PDZRN3: variants seen among roughly 807,000 people sequenced by gnomAD.
The protein encoded by PDZRN3 is PDZ domain containing ring finger 3.
A neutral mutation model predicts 85.7 loss-of-function variants in PDZRN3; 38 were observed. The observed-to-expected ratio is 0.44, with a 90% CI of 0.34 to 0.58. PDZRN3 has a LOEUF of 0.58. Among genes scored for constraint, PDZRN3 ranks in the 20% least tolerant of loss-of-function variants. PDZRN3 has a pLI of 0.01. For missense variants in PDZRN3, 1,629 were observed against 1,506.4 expected (o/e 1.08, Z -1.35); for synonymous variants, 759 against 638.0 (o/e 1.19, Z -2.86).
At chr3:73,562,946 G>A (rs1025304289) in intron 3 of PDZRN3, among the ~76,000 whole-genome samples, 11 of 130,944 alleles carry the variant, frequency 8.4e-5, no homozygotes, top group Admixed American at 4.2e-4. Context: ...AGACTTTCTG[G>A]TGGTACTTAT....
intron 3 of PDZRN3, among the ~76,000 whole-genome samples, chr3:73,422,183 G>A (rs986104273): frequency 6.6e-6 from 1 of 152,194 alleles, no homozygotes; most frequent in Non-Finnish European, 1.5e-5. Flanking sequence ...GAACACTAGA[G>A]GGAGATGCCC....
At chr3:73,541,305 T>C (rs532656168) in intron 3 of PDZRN3, among the ~76,000 whole-genome samples, 1 of 152,330 alleles carries the variant, frequency 6.6e-6, no homozygotes, top group African/African-American at 2.4e-5. Flanking sequence ...GAAGAAAATA[T>C]AATCTCCCCT....
intron 3 of PDZRN3, among the ~76,000 whole-genome samples, chr3:73,424,367 C>CCA (rs761953254): frequency 1.8e-5 from 1 of 54,854 alleles, no homozygotes; most frequent in Non-Finnish European, 3.2e-5. Context: ...CCGTCTCTAC[C>CCA]AAAAAAAAAA....
At position 73,465,702 on chromosome 3, in the gene PDZRN3, A is replaced by G. The variant is rs186924687; in HGVS notation, c.919-61307T>C. 9.7e-4 allele frequency among the ~76,000 whole-genome samples: 148 copies of G among 152,332 alleles called. 2 individuals are homozygous for G. Among genetic ancestry groups the G allele is most frequent in the African/African-American group, 2.5e-3 (106 of 41,570 alleles). On this transcript the variant is annotated intron_variant, in intron 3 of 9. Coordinates refer to ENST00000263666, the MANE Select transcript of PDZRN3 (RefSeq NM_015009.3). ...TATCTTTGCCTCAATAAAATTAAGAACGCAGTGTAAGATCCAAATTCCCCC... is the reference window on the plus strand; with the variant it reads ...TATCTTTGCCTCAATAAAATTAAGAGCGCAGTGTAAGATCCAAATTCCCCC...
At chr3:73,518,584 T>C (rs1466198172) in intron 3 of PDZRN3, among the ~76,000 whole-genome samples, 3 of 152,174 alleles carry the variant, frequency 2.0e-5, no homozygotes, top group Non-Finnish European at 4.4e-5. Context: ...CTCAGTTTGC[T>C]TGGGCTGCTA....
chr3:73,395,872 G>C (rs909982319), intron 5 of PDZRN3, among the ~76,000 whole-genome samples: 8 of 152,208 alleles, frequency 5.3e-5, no homozygotes, highest in African/African-American at 1.9e-4. Flanking sequence ...CAGTAAATGA[G>C]TTAGACAAGA....
At chr3:73,453,410 A>C (rs1468461843) in intron 3 of PDZRN3, among the ~76,000 whole-genome samples, 1 of 133,670 alleles carries the variant, frequency 7.5e-6, no homozygotes, top group Non-Finnish European at 1.6e-5. Flanking sequence ...GTCTCAAAAA[A>C]AAAAAAAAAA....
chr3:73,396,608 G>A (rs1425707484), intron 5 of PDZRN3, among the ~76,000 whole-genome samples: 3 of 152,160 alleles, frequency 2.0e-5, no homozygotes, highest in Non-Finnish European at 4.4e-5. Flanking sequence ...CAGGTTTGGA[G>A]AGCATTTTAG....
At chr3:73,558,080 T>A (rs1042070815) in intron 3 of PDZRN3, among the ~76,000 whole-genome samples, 1 of 152,118 alleles carries the variant, frequency 6.6e-6, no homozygotes, top group Middle Eastern at 3.2e-3. Context: ...TATATGTTTT[T>A]TTTCTTTAGG....
At chr3:73,430,946 G>A (rs551747375) in intron 3 of PDZRN3, among the ~76,000 whole-genome samples, 123 of 152,274 alleles carry the variant, frequency 8.1e-4, no homozygotes, top group African/African-American at 2.9e-3. Context: ...TGAAGCAACT[G>A]TTAAATTTCA....
intron 3 of PDZRN3, among the ~76,000 whole-genome samples, chr3:73,501,442 T>C (rs1361038130): frequency 6.6e-6 from 1 of 152,192 alleles, no homozygotes; most frequent in Non-Finnish European, 1.5e-5. Context: ...AGCTTCCCCC[T>C]TTCCCTATAC....
At position 73,535,126 on chromosome 3, in the gene PDZRN3, C is replaced by T. The variant is rs530939114; in HGVS notation, c.918+67228G>A. ...CCTTCTGCCTTAACACCAGCAATGA[C>T]CCAGGTGGCAGGCTGCTCCTTTAGC... is the stretch of plus-strand genomic sequence containing the variant. On this transcript the variant is annotated intron_variant, in intron 3 of 9. Coordinates refer to ENST00000263666, the MANE Select transcript of PDZRN3 (RefSeq NM_015009.3). Among the ~76,000 whole-genome samples the T allele has an allele frequency of 2.0e-5, 3 of 152,212 alleles. No individual in the cohort carries two copies. The East Asian group carries it at 5.8e-4, about 29-fold the overall frequency.
intron 3 of PDZRN3, among the ~76,000 whole-genome samples, chr3:73,416,446 A>C (rs72884235): frequency 0.031 from 4,773 of 151,802 alleles, 259 homozygotes; most frequent in African/African-American, 0.11. Context: ...ATACCGACAT[A>C]GTCTTTCTGT....
chr3:73,574,475 C>T (rs924093162), intron 3 of PDZRN3, among the ~76,000 whole-genome samples: 24 of 141,464 alleles, frequency 1.7e-4, no homozygotes, highest in East Asian at 8.1e-4. Context: ...GTGGGGAGGG[C>T]GGAAATGGAG....
At position 73,384,179 on chromosome 3, in the gene PDZRN3, C is replaced by T. The variant is rs1286448179; in HGVS notation, c.2387G>A (p.Gly796Glu). The stretch of plus-strand genomic sequence containing the variant: ...GGCTGGCCCGTAGGCTTCCGTGGTC[C>T]CCACAGCCCCTTCGCTGCTCGGGCA... ...ISCPSSEGAV[G>E]TTEAYGPASK... The change falls in exon 10 of 10, where the codon GGG (glycine) becomes GAG (glutamate). Residue 796 changes from glycine to glutamate, a missense_variant. Transcript: ENST00000263666. The T allele has an allele frequency of 6.2e-7, 1 of 1,614,054 alleles. No individual in the cohort carries two copies.
chr3:73,573,804 C>CCT (rs1445831102), intron 3 of PDZRN3, among the ~76,000 whole-genome samples: 9 of 89,898 alleles, frequency 1.0e-4, no homozygotes, highest in East Asian at 5.0e-4. Flanking sequence ...TATACATACA[C>CCT]ATACACCTAT....
intron 3 of PDZRN3, among the ~76,000 whole-genome samples, chr3:73,413,934 G>A (rs569929251): frequency 6.6e-6 from 1 of 152,302 alleles, no homozygotes; most frequent in South Asian, 2.1e-4. Context: ...TAACAAGCAG[G>A]ATGGAGAAAA....
In PDZRN3 at chr3:73,624,320, TGCGCCCGCAGCGCTCGCGCGCAGCAGTGG is replaced by T; in HGVS notation, c.477_505del (p.His160GlnfsTer39). On this transcript the variant is annotated frameshift_variant, in exon 1 of 10. Coordinates refer to ENST00000263666, the MANE Select transcript of PDZRN3 (RefSeq NM_015009.3). LOFTEE classifies it high-confidence loss of function. The stretch of plus-strand genomic sequence containing the variant: ...CAGGCGGGCCTGGAGCGCGCCGTTG[TGCGCCCGCAGCGCTCGCGCGCAGCAGTGG>T]CCGCCCGCGCGCTGCTCGCCGTGCG... 1 of 1,314,634 alleles carries T rather than the reference TGCGCCCGCAGCGCTCGCGCGCAGCAGTGG, an allele frequency of 7.6e-7. No homozygotes were observed. Among genetic ancestry groups the T allele is most frequent in the Non-Finnish European group, 9.6e-7 (1 of 1,039,368 alleles). 81.4% of individuals were successfully genotyped at this position (1,314,634 alleles called of 1,614,324 possible). A position where few individuals can be genotyped will look rare whatever the true frequency, so the allele number is the denominator to read the frequency against.
chr3:73,453,692 A>G (rs1702921779), intron 3 of PDZRN3, among the ~76,000 whole-genome samples: 2 of 152,018 alleles, frequency 1.3e-5, no homozygotes, highest in Non-Finnish European at 2.9e-5. Context: ...AGTTTGAAAA[A>G]CTCTTAAATT....
Sources: gnomAD v4.1 joint callset for allele counts (sites outside exome capture counted in the v4.1 genomes callset) on GRCh38, gnomAD v4.1.1 for gene constraint, MANE v1.5 for transcripts, NCBI Gene and HGNC (gene_info 2026-07-23, HGNC 2026-07-21) for gene names.